KCNJ1: variants seen among roughly 807,000 people sequenced by gnomAD.
The protein encoded by KCNJ1 is ATP-sensitive inward rectifier potassium channel 1.
In KCNJ1, 24 loss-of-function variants were observed where a neutral mutation model predicts 21.9. That is an observed-to-expected ratio of 1.10 (90% CI 0.79 to 1.54). KCNJ1 has a LOEUF of 1.54. KCNJ1 is among the 40% of genes most tolerant of loss of function. KCNJ1 has a pLI of 0.00. For synonymous variants in KCNJ1, 152 were observed against 160.9 expected (o/e 0.94, Z 0.42); for missense variants, 457 against 455.4 (o/e 1.00, Z -0.03).
chr11:128,841,141 A>C (rs1283489049), intron 2 of KCNJ1, among the ~76,000 whole-genome samples: 1 of 152,122 alleles, frequency 6.6e-6, no homozygotes, highest in Non-Finnish European at 1.5e-5. Flanking sequence ...CTCTCTCCCC[A>C]CGGTTTCCCA....
chr11:128,860,597 G>T (rs1004156996), intron 1 of KCNJ1, among the ~76,000 whole-genome samples: 2 of 152,220 alleles, frequency 1.3e-5, no homozygotes, highest in Non-Finnish European at 2.9e-5. Flanking sequence ...TTAGCCCACT[G>T]CCACCTCACG....
In KCNJ1 at chr11:128,839,493, G is replaced by A. The variant is rs372748052; in HGVS notation, c.751C>T (p.His251Tyr). Reference sequence around the variant, plus strand: ...AAAGGGCTGTTGTGATCAATGACATGGTAAATTGTCAATGGGGAGATGAAG... The same window carrying A: ...AAAGGGCTGTTGTGATCAATGACATAGTAAATTGTCAATGGGGAGATGAAG... ...LFFISPLTIY[H>Y]VIDHNSPFFH... The change falls in exon 3 of 3, where the codon CAT (histidine) becomes TAT (tyrosine). Residue 251 changes from histidine to tyrosine, a missense_variant. Transcript: ENST00000392666. 1 of 1,613,986 alleles carries A rather than the reference G, an allele frequency of 6.2e-7. No individual in the cohort carries two copies. The highest frequency in any genetic ancestry group is 8.5e-7 in the Non-Finnish European group (1 of 1,179,978).
At chr11:128,856,930 G>A (rs1486735642) in intron 1 of KCNJ1, among the ~76,000 whole-genome samples, 1 of 152,080 alleles carries the variant, frequency 6.6e-6, no homozygotes, top group Admixed American at 6.5e-5. Context: ...CCGTCAGAGT[G>A]AGGAAGGAGT....
At chr11:128,853,910 C>T (rs1943527499) in intron 1 of KCNJ1, among the ~76,000 whole-genome samples, 2 of 152,236 alleles carry the variant, frequency 1.3e-5, no homozygotes, top group African/African-American at 4.8e-5. Flanking sequence ...TGCTCACCCT[C>T]ACTGCTAAAC....
intron 2 of KCNJ1, among the ~76,000 whole-genome samples, chr11:128,848,073 G>A (rs919803244): frequency 6.6e-6 from 1 of 151,968 alleles, no homozygotes; most frequent in Non-Finnish European, 1.5e-5. Context: ...TGGATCACGA[G>A]GTCAGGAGAT....
chr11:128,843,635 C>A (rs1439804510), intron 2 of KCNJ1, among the ~76,000 whole-genome samples: 1 of 152,226 alleles, frequency 6.6e-6, no homozygotes, highest in Non-Finnish European at 1.5e-5. Context: ...AAATCAACCA[C>A]AACCGAGCAT....
chr11:128,854,185 A>G (rs919444616), intron 1 of KCNJ1, among the ~76,000 whole-genome samples: 4 of 152,210 alleles, frequency 2.6e-5, no homozygotes, highest in African/African-American at 9.6e-5. Context: ...GAGGAAACTC[A>G]CAGGGTCCCT....
intron 1 of KCNJ1, among the ~76,000 whole-genome samples, chr11:128,860,372 C>G (rs968339207): frequency 6.6e-6 from 1 of 152,178 alleles, no homozygotes; most frequent in Non-Finnish European, 1.5e-5. Flanking sequence ...AAAAGAGAGG[C>G]AATGACCGTC....
chr11:128,848,287 CAAAAAAAAA>C (rs1002326097), intron 2 of KCNJ1, among the ~76,000 whole-genome samples: 1 of 48,896 alleles, frequency 2.0e-5, no homozygotes, highest in Non-Finnish European at 4.2e-5. Flanking sequence ...GACTCCGTCT[CAAAAAAAAA>C]AAAAAAAAAA....
intron 2 of KCNJ1, among the ~76,000 whole-genome samples, chr11:128,848,012 G>A (rs1943410966): frequency 6.6e-6 from 1 of 151,972 alleles, no homozygotes; most frequent in Admixed American, 6.5e-5. Context: ...AGACCAGCTG[G>A]GCCCAGTGGC....
At chr11:128,861,523 G>A (rs992359355) in intron 1 of KCNJ1, among the ~76,000 whole-genome samples, 1 of 152,172 alleles carries the variant, frequency 6.6e-6, no homozygotes, top group Non-Finnish European at 1.5e-5. Flanking sequence ...TTATGGGATA[G>A]ACCCAGGCAA....
chr11:128,860,141 C>T (rs1943676916), intron 1 of KCNJ1, among the ~76,000 whole-genome samples: 1 of 152,244 alleles, frequency 6.6e-6, no homozygotes, highest in Non-Finnish European at 1.5e-5. Context: ...CCTCGGATTT[C>T]TCATCTGTCA....
chr11:128,858,379 C>T (rs1173262272), intron 1 of KCNJ1, among the ~76,000 whole-genome samples: 3 of 152,138 alleles, frequency 2.0e-5, no homozygotes, highest in Non-Finnish European at 4.4e-5. Flanking sequence ...GTCAACTCTG[C>T]ACCACCATAT....
chr11:128,855,745 A>T (rs1943576440), intron 1 of KCNJ1, among the ~76,000 whole-genome samples: 1 of 152,202 alleles, frequency 6.6e-6, no homozygotes, highest in South Asian at 2.1e-4. Context: ...CCAGTAGAGG[A>T]TCTGGTATGG....
chr11:128,859,813 T>A (rs1943666338), intron 1 of KCNJ1, among the ~76,000 whole-genome samples: 1 of 152,190 alleles, frequency 6.6e-6, no homozygotes. Flanking sequence ...GTGGGGGAGC[T>A]GGGCAGGAAA....
Position 128,838,584 on chromosome 11 carries a change from A to G in KCNJ1, c.*541T>C, listed in dbSNP as rs1173306846. On this transcript the variant is annotated 3_prime_UTR_variant, in exon 3 of 3. Coordinates refer to ENST00000392666, the MANE Select transcript of KCNJ1 (RefSeq NM_153766.3). ...CCTCTGTCTAAACGTACCACATGAGAAGCTTAGAGCCTCAAATTGTTCTTT... is the reference window on the plus strand; with the variant it reads ...CCTCTGTCTAAACGTACCACATGAGGAGCTTAGAGCCTCAAATTGTTCTTT... 3.1e-5 allele frequency: 5 copies of G among 160,216 alleles called. No individual in the cohort carries two copies. The highest frequency in any genetic ancestry group is 6.8e-5 in the Non-Finnish European group (5 of 73,296). 9.9% of individuals were successfully genotyped at this position (160,216 alleles called of 1,614,324 possible). A position where few individuals can be genotyped will look rare whatever the true frequency, so the allele number is the denominator to read the frequency against.
chr11:128,847,429 G>A (rs1480036345), intron 2 of KCNJ1, among the ~76,000 whole-genome samples: 6 of 152,128 alleles, frequency 3.9e-5, no homozygotes, highest in South Asian at 2.1e-4. Flanking sequence ...ATTCCATTCC[G>A]TGGCTTCCAC....
chr11:128,842,581 C>A, intron 2 of KCNJ1: 1 of 1,458,958 alleles, frequency 6.9e-7, no homozygotes, highest in Non-Finnish European at 9.1e-7. Context: ...TGATTTAAAC[C>A]AAGGCAATTG....
rs866064212 is a variant in KCNJ1 at position 128,840,005 on chromosome 11, C to T, written c.239G>A (p.Trp80Ter). The T allele has an allele frequency of 6.2e-7, 1 of 1,613,960 alleles. No homozygotes were observed. The highest frequency in any genetic ancestry group is 8.5e-7 in the Non-Finnish European group (1 of 1,179,966). Residue 80 changes from tryptophan to a stop codon, truncating the protein, a stop_gained, in exon 3 of 3, where the codon TGG (tryptophan) becomes TAG (stop). Coordinates refer to ENST00000392666, the MANE Select transcript of KCNJ1 (RefSeq NM_153766.3). LOFTEE classifies it high-confidence loss of function. ...LGSWFFFGLL[W>*]YAVAYIHKDL... ...TTTGTGAATGTACGCTACTGCATAC[C>T]ACAGGAGACCAAAGAAAAACCAACT... is the stretch of plus-strand genomic sequence containing the variant.
Sources: allele counts gnomAD v4.1 joint callset (sites outside exome capture counted in the v4.1 genomes callset), GRCh38; gene constraint gnomAD v4.1.1; transcripts MANE v1.5; gene names NCBI Gene and HGNC (gene_info 2026-07-23, HGNC 2026-07-21).